CFAP221: variants seen among roughly 807,000 people sequenced by gnomAD.
The protein encoded by CFAP221 is cilia and flagella associated protein 221, also known as cilia- and flagella-associated protein 221.
Under a neutral mutation model 113.1 loss-of-function variants are expected in CFAP221, and 97 were observed. The observed-to-expected ratio is 0.86, with a 90% CI of 0.73 to 1.02. CFAP221 has a LOEUF of 1.02. CFAP221 is among the 50% of genes least tolerant of loss of function. The pLI, the probability that CFAP221 is intolerant of heterozygous loss-of-function variation, is 0.00. For synonymous variants in CFAP221, 331 were observed against 354.4 expected (o/e 0.93, Z 0.74); for missense variants, 1,025 against 1,013.4 (o/e 1.01, Z -0.16).
In CFAP221 at chr2:119,562,110, G is replaced by C. The variant is rs1226759181; in HGVS notation, c.523G>C (p.Glu175Gln). The change falls in exon 6 of 24, where the codon GAA (glutamate) becomes CAA (glutamine). Residue 175 changes from glutamate to glutamine, a missense_variant. Glu to Gln is a conservative substitution (Grantham distance 29). Transcript: ENST00000413369. Reference protein sequence around the residue: ...FINLSNVLLGESKTYVIPLQC... With the variant: ...FINLSNVLLGQSKTYVIPLQC... ...AAATCTGTCAAATGTTCTACTTGGT[G>C]AAAGGTGAGTTACCAAAATGTCAAC... is the stretch of plus-strand genomic sequence containing the variant. 6.5e-7 allele frequency: 1 copy of C among 1,526,742 alleles called. No homozygotes were observed. Among genetic ancestry groups the C allele is most frequent in the Non-Finnish European group, 8.8e-7 (1 of 1,139,726 alleles). The allele number at this position is 1,526,742 out of a possible 1,614,324, so 94.6% of individuals were successfully genotyped here. A position where few individuals can be genotyped will look rare whatever the true frequency, so the allele number is the denominator to read the frequency against.
intron 12 of CFAP221, among the ~76,000 whole-genome samples, chr2:119,610,983 C>A (rs974180684): frequency 4.6e-5 from 7 of 152,034 alleles, no homozygotes; most frequent in African/African-American, 7.2e-5. Flanking sequence ...AGGGCCCAGG[C>A]GTCATCAGGG....
At chr2:119,626,507 T>C (rs912602331) in intron 15 of CFAP221, among the ~76,000 whole-genome samples, 1 of 152,114 alleles carries the variant, frequency 6.6e-6, no homozygotes, top group African/African-American at 2.4e-5. Context: ...CTGCTTCTTC[T>C]TGTCACCAGA....
chr2:119,633,284 T>C (rs1162477240), intron 19 of CFAP221, among the ~76,000 whole-genome samples: 1 of 151,814 alleles, frequency 6.6e-6, no homozygotes, highest in Non-Finnish European at 1.5e-5. Context: ...ATAGAAAATC[T>C]TTGTGATCTT....
At chr2:119,559,594 C>A (rs1043723160) in intron 3 of CFAP221, 95 bp from the exon 4 acceptor site, 15 of 1,050,076 alleles carry the variant, frequency 1.4e-5, no homozygotes, top group African/African-American at 3.2e-5. Context: ...GATATCTCCT[C>A]AAATTCTTTT....
chr2:119,610,021 C>A (rs981972633), intron 12 of CFAP221, among the ~76,000 whole-genome samples: 26 of 152,158 alleles, frequency 1.7e-4, no homozygotes, highest in African/African-American at 6.0e-4. Context: ...TGTTCAGATT[C>A]TTTGCATGCT....
At chr2:119,563,879 G>A (rs567561095) in intron 6 of CFAP221, among the ~76,000 whole-genome samples, 16 of 152,296 alleles carry the variant, frequency 1.1e-4, no homozygotes, top group African/African-American at 2.4e-4. Context: ...GGATGGCACC[G>A]CAGGCAGAGA....
At chr2:119,601,768 G>C (rs886501351) in intron 8 of CFAP221, among the ~76,000 whole-genome samples, 14 of 152,204 alleles carry the variant, frequency 9.2e-5, no homozygotes, top group African/African-American at 3.1e-4. Context: ...AGTCCCTGCT[G>C]TTTGCAGTGC....
intron 5 of CFAP221, among the ~76,000 whole-genome samples, chr2:119,561,585 C>T (rs746393175): frequency 6.6e-6 from 1 of 150,486 alleles, no homozygotes; most frequent in Non-Finnish European, 1.5e-5. Flanking sequence ...TGAAGGTTAA[C>T]GTCATATGAG....
Position 119,578,720 on chromosome 2 carries a change from C to T in CFAP221, c.528-8399C>T, listed in dbSNP as rs150102352. On this transcript the variant is annotated intron_variant, in intron 6 of 23. Transcript: ENST00000413369. Reference sequence around the variant, plus strand: ...TATTGTGCCCTCTGAACCTAGTCATCGTGGAAAAAGTTAGCATTTGTCATG... The same window carrying T: ...TATTGTGCCCTCTGAACCTAGTCATTGTGGAAAAAGTTAGCATTTGTCATG... Among the ~76,000 whole-genome samples, 194 of 152,272 alleles carry T rather than the reference C, an allele frequency of 1.3e-3. No homozygotes were observed. The East Asian group carries it at 0.028, about 22-fold the overall frequency.
At position 119,646,663 on chromosome 2, in the gene CFAP221, C is replaced by A. The variant is rs115992251; in HGVS notation, c.2226-295C>A. ...ACCAAACCATATCAGTATCTAACTA[C>A]ACTCACCCCAGGAGATAATACAATT... is the stretch of plus-strand genomic sequence containing the variant. On this transcript the variant is annotated intron_variant, in intron 21 of 23. Coordinates refer to ENST00000413369, the MANE Select transcript of CFAP221 (RefSeq NM_001271049.2). 2.6e-3 allele frequency among the ~76,000 whole-genome samples: 395 copies of A among 152,296 alleles called. 2 individuals carry two copies. The highest frequency in any genetic ancestry group is 9.1e-3 in the African/African-American group (379 of 41,558).
At chr2:119,641,620 G>A (rs900559042) in intron 21 of CFAP221, among the ~76,000 whole-genome samples, 21 of 152,194 alleles carry the variant, frequency 1.4e-4, no homozygotes, top group African/African-American at 4.8e-4. Flanking sequence ...TCACATTTGT[G>A]TGTGTGTGAG....
intron 22 of CFAP221, among the ~76,000 whole-genome samples, chr2:119,648,207 A>C (rs1405144218): frequency 6.6e-6 from 1 of 152,224 alleles, no homozygotes; most frequent in Non-Finnish European, 1.5e-5. Flanking sequence ...GCTATCTGAC[A>C]CTTGGTAGGC....
At chr2:119,589,068 T>C (rs1683411694) in intron 7 of CFAP221, among the ~76,000 whole-genome samples, 1 of 152,208 alleles carries the variant, frequency 6.6e-6, no homozygotes, top group Admixed American at 6.5e-5. Flanking sequence ...CGTCTTTTGC[T>C]GGTTTGAATG....
At chr2:119,656,222 A>G (rs181947165) in intron 23 of CFAP221, 140 bp from the exon 24 acceptor site, 20 of 641,532 alleles carry the variant, frequency 3.1e-5, no homozygotes, top group East Asian at 5.6e-5. Flanking sequence ...TAAGTAAACT[A>G]TCACTAACTG....
At chr2:119,651,875 A>T in intron 22 of CFAP221, 99 bp from the exon 23 acceptor site, 1 of 907,784 alleles carries the variant, frequency 1.1e-6, no homozygotes, top group Non-Finnish European at 1.6e-6. Context: ...GTTGAATACC[A>T]CAAGAATTGC....
At chr2:119,588,251 AG>A (rs1444081103) in intron 7 of CFAP221, among the ~76,000 whole-genome samples, 3 of 152,170 alleles carry the variant, frequency 2.0e-5, no homozygotes, top group Non-Finnish European at 4.4e-5. Context: ...ATTTCTGAGC[AG>A]TCATGATGGG....
intron 6 of CFAP221, among the ~76,000 whole-genome samples, chr2:119,578,590 G>T (rs1682617056): frequency 6.6e-6 from 1 of 152,178 alleles, no homozygotes; most frequent in Non-Finnish European, 1.5e-5. Flanking sequence ...ACATGTTATT[G>T]TCTATGTTAT....
At chr2:119,602,088 C>T (rs1427634875) in intron 8 of CFAP221, among the ~76,000 whole-genome samples, 2 of 151,960 alleles carry the variant, frequency 1.3e-5, no homozygotes, top group African/African-American at 4.8e-5. Flanking sequence ...TTTATATAAA[C>T]GTTAAAAGTT....
chr2:119,649,386 A>G (rs1205517977), intron 22 of CFAP221, among the ~76,000 whole-genome samples: 1 of 152,202 alleles, frequency 6.6e-6, no homozygotes, highest in Non-Finnish European at 1.5e-5. Flanking sequence ...TGATGGGTCT[A>G]ATGGGACCTA....
Sources: allele counts gnomAD v4.1 joint callset (sites outside exome capture counted in the v4.1 genomes callset), GRCh38; gene constraint gnomAD v4.1.1; transcripts MANE v1.5; gene names NCBI Gene and HGNC (gene_info 2026-07-23, HGNC 2026-07-21).